The following CADPS2 variants were observed in gnomAD, a reference collection of about 807,000 sequenced individuals.
The protein encoded by CADPS2 is calcium-dependent secretion activator 2.
In CADPS2, 93 loss-of-function variants were observed where a neutral mutation model predicts 172.5. That is an observed-to-expected ratio of 0.54 (90% CI 0.46 to 0.64). CADPS2 has a LOEUF of 0.64. Among genes scored for constraint, CADPS2 ranks in the 30% least tolerant of loss-of-function variants. CADPS2 has a pLI of 0.00. For synonymous variants in CADPS2, 546 were observed against 555.2 expected (o/e 0.98, Z 0.23); for missense variants, 1,420 against 1,565.9 (o/e 0.91, Z 1.57).
chr7:122,509,911 A>G (rs2059896642), intron 9 of CADPS2, among the ~76,000 whole-genome samples: 1 of 152,174 alleles, frequency 6.6e-6, no homozygotes, highest in Non-Finnish European at 1.5e-5. Context: ...TATAACAATA[A>G]TTATGTTAAT....
chr7:122,663,554 C>A lies in CADPS2; in HGVS notation c.469G>T (p.Asp157Tyr). The A allele has an allele frequency of 6.3e-7, 1 of 1,579,186 alleles. No individual in the cohort carries two copies. Residue 157 changes from aspartate (D) to tyrosine (Y), a missense_variant, in exon 3 of 30, where the codon GAC (aspartate) becomes TAC (tyrosine). Transcript: ENST00000449022. ...RSYYEVFLKS[D>Y]RVARMVQSGG... ...CTCTGTACCATTCTGGCCACTCGGT[C>A]ACTCTTTAGAAAAACCTGAAAACAA...
intron 1 of CADPS2, among the ~76,000 whole-genome samples, chr7:122,792,915 AT>A (rs1245891600): frequency 6.6e-6 from 1 of 152,208 alleles, no homozygotes; most frequent in Non-Finnish European, 1.5e-5. Flanking sequence ...CTCTAATTTA[AT>A]TCACCACCAA....
intron 2 of CADPS2, among the ~76,000 whole-genome samples, chr7:122,734,978 A>C (rs1038867554): frequency 2.0e-5 from 3 of 152,146 alleles, no homozygotes; most frequent in East Asian, 3.8e-4. Flanking sequence ...CTTTCTGTAA[A>C]AATCCTAGCA....
intron 3 of CADPS2, among the ~76,000 whole-genome samples, chr7:122,658,061 C>T (rs1347335154): frequency 1.3e-5 from 2 of 152,112 alleles, no homozygotes; most frequent in African/African-American, 4.8e-5. Context: ...CAAACAACCC[C>T]ATCAAAAAGT....
At chr7:122,487,133 T>G (rs2057897309) in intron 11 of CADPS2, among the ~76,000 whole-genome samples, 1 of 148,900 alleles carries the variant, frequency 6.7e-6, no homozygotes, top group African/African-American at 2.5e-5. Context: ...ACTTCAAGCC[T>G]CCCAAGTGCT....
chr7:122,641,133 A>G (rs1396501315), intron 3 of CADPS2, among the ~76,000 whole-genome samples: 1 of 152,028 alleles, frequency 6.6e-6, no homozygotes, highest in African/African-American at 2.4e-5. Context: ...TTATTTAACA[A>G]TAGATTACTT....
At chr7:122,845,478 C>T (rs1213050233) in intron 1 of CADPS2, among the ~76,000 whole-genome samples, 1 of 152,184 alleles carries the variant, frequency 6.6e-6, no homozygotes, top group Non-Finnish European at 1.5e-5. Context: ...TGGAAAACAT[C>T]CACACAAGAG....
chr7:122,563,215 G>T (rs922243318), intron 7 of CADPS2, among the ~76,000 whole-genome samples: 1 of 152,110 alleles, frequency 6.6e-6, no homozygotes, highest in Non-Finnish European at 1.5e-5. Flanking sequence ...AGACAGGAAA[G>T]CATCACTATT....
intron 1 of CADPS2, among the ~76,000 whole-genome samples, chr7:122,839,562 A>T (rs908117113): frequency 1.2e-4 from 19 of 152,262 alleles, no homozygotes; most frequent in East Asian, 7.7e-4. Context: ...GAATCTACAA[A>T]GAACTCAAAC....
chr7:122,366,800 G>T (rs1221137439), intron 25 of CADPS2: 1 of 150,078 alleles, frequency 6.7e-6, no homozygotes, highest in Non-Finnish European at 1.5e-5. Context: ...CTACTTATTT[G>T]AAGCTTTATT....
chr7:122,528,589 A>C (rs905683403), intron 8 of CADPS2, among the ~76,000 whole-genome samples: 1 of 152,178 alleles, frequency 6.6e-6, no homozygotes, highest in Non-Finnish European at 1.5e-5. Flanking sequence ...GATGGACTAC[A>C]TAGGACTAGA....
intron 6 of CADPS2, among the ~76,000 whole-genome samples, chr7:122,592,136 T>A (rs1391037457): frequency 6.6e-6 from 1 of 151,890 alleles, no homozygotes; most frequent in Admixed American, 6.6e-5. Context: ...CAAACAAATT[T>A]ACAAGAAAAA....
At chr7:122,835,539 AAGATT>A (rs1218024726) in intron 1 of CADPS2, among the ~76,000 whole-genome samples, 3 of 152,226 alleles carry the variant, frequency 2.0e-5, no homozygotes, top group Non-Finnish European at 4.4e-5. Context: ...ACCTTGAAAA[AAGATT>A]AGACGAACGG....
At chr7:122,817,419 A>C (rs1337639589) in intron 1 of CADPS2, among the ~76,000 whole-genome samples, 1 of 152,046 alleles carries the variant, frequency 6.6e-6, no homozygotes, top group East Asian at 1.9e-4. Context: ...CCCTTCTCTT[A>C]ATTTCAATTC....
At chr7:122,369,219 T>C (rs7788292) in intron 25 of CADPS2, among the ~76,000 whole-genome samples, 38,744 of 141,446 alleles carry the variant, frequency 0.27, 5,697 homozygotes, top group African/African-American at 0.38. Flanking sequence ...GCAAGCTCCG[T>C]CTCCCGGGTT....
chr7:122,832,323 C>G lies in CADPS2; in HGVS notation c.339+53676G>C, dbSNP rs942410252. Among the ~76,000 whole-genome samples the G allele has an allele frequency of 3.3e-5, 5 of 151,438 alleles. No individual in the cohort carries two copies. In the South Asian group the frequency reaches 6.2e-4, roughly 19 times the overall value. On this transcript the variant is annotated intron_variant, in intron 1 of 29. Transcript: ENST00000449022. ...GTGTGTAAAAAAAAAAAAAACCCACCCATGTGTGCACACACACAATAGTAA... is the reference window on the plus strand; with the variant it reads ...GTGTGTAAAAAAAAAAAAAACCCACGCATGTGTGCACACACACAATAGTAA...
At chr7:122,729,686 T>TTG (rs1331633598) in intron 2 of CADPS2, among the ~76,000 whole-genome samples, 1 of 149,460 alleles carries the variant, frequency 6.7e-6, no homozygotes, top group African/African-American at 2.4e-5. Flanking sequence ...GTTTTTTTTT[T>TTG]TTTTTTTTTT....
At chr7:122,718,809 T>C (rs376644416) in intron 2 of CADPS2, among the ~76,000 whole-genome samples, 1 of 152,124 alleles carries the variant, frequency 6.6e-6, no homozygotes, top group Non-Finnish European at 1.5e-5. Flanking sequence ...TAAGCTGGTA[T>C]GGGATAACAG....
intron 6 of CADPS2, among the ~76,000 whole-genome samples, chr7:122,591,249 G>A (rs373734880): frequency 4.5e-4 from 68 of 152,138 alleles, no homozygotes; most frequent in African/African-American, 1.4e-3. Flanking sequence ...GCTTCAAAGC[G>A]AATAAAATAC....
Sources: gnomAD v4.1 joint callset for allele counts (sites outside exome capture counted in the v4.1 genomes callset) on GRCh38, gnomAD v4.1.1 for gene constraint, MANE v1.5 for transcripts, NCBI Gene and HGNC (gene_info 2026-07-23, HGNC 2026-07-21) for gene names.